CLASP1: variants seen among roughly 807,000 people sequenced by gnomAD.
The protein encoded by CLASP1 is CLIP-associating protein 1.
A neutral mutation model predicts 192.3 loss-of-function variants in CLASP1; 38 were observed. The observed-to-expected ratio is 0.20, with a 90% CI of 0.15 to 0.26. The LOEUF is 0.26. Ranked by LOEUF, CLASP1 falls within the 10% of genes least tolerant of loss-of-function variation. The probability of loss-of-function intolerance (pLI) is 1.00; values close to 1 mark genes in which losing one functional copy is unlikely to be tolerated. For synonymous variants in CLASP1, 691 were observed against 712.8 expected (o/e 0.97, Z 0.49); for missense variants, 1,433 against 1,932.5 (o/e 0.74, Z 4.85).
At chr2:121,459,755 G>T in intron 12 of CLASP1, 1 of 367,886 alleles carries the variant, frequency 2.7e-6, no homozygotes, top group Non-Finnish European at 4.8e-6. Context: ...TTGAAATAAA[G>T]ACTTCAGAGC....
chr2:121,578,690 T>C (rs920744366), intron 2 of CLASP1, among the ~76,000 whole-genome samples: 77 of 149,438 alleles, frequency 5.2e-4, no homozygotes, highest in South Asian at 1.7e-3. Flanking sequence ...ATTGCACCAC[T>C]GCACTCAAGC....
intron 8 of CLASP1, among the ~76,000 whole-genome samples, chr2:121,498,895 T>C (rs1183131698): frequency 6.6e-6 from 1 of 152,196 alleles, no homozygotes; most frequent in Non-Finnish European, 1.5e-5. Flanking sequence ...CTATGGTGAC[T>C]ATAATGAAAA....
At chr2:121,418,656 TCGGCTGCTCTCA>T in exon 23 of CLASP1, 1 of 1,613,868 alleles carries the variant, frequency 6.2e-7, no homozygotes, top group African/African-American at 1.3e-5. Flanking sequence ...GGCTTGTATC[TCGGCTGCTCTCA>T]CGGCTGGTAT....
At chr2:121,632,122 T>C (rs1258833300) in intron 1 of CLASP1, among the ~76,000 whole-genome samples, 1 of 152,160 alleles carries the variant, frequency 6.6e-6, no homozygotes. Flanking sequence ...TATGCACCTG[T>C]AGTCCCAGCT....
At chr2:121,621,956 T>G (rs2067437331) in intron 1 of CLASP1, among the ~76,000 whole-genome samples, 1 of 152,050 alleles carries the variant, frequency 6.6e-6, no homozygotes, top group African/African-American at 2.4e-5. Flanking sequence ...CAAGCAATCC[T>G]CCTGCCTCAG....
chr2:121,505,472 G>A (rs1409954083), intron 7 of CLASP1: 1 of 152,160 alleles, frequency 6.6e-6, no homozygotes, highest in Non-Finnish European at 1.5e-5. Flanking sequence ...TGCTACAACA[G>A]CTCCTATCAA....
intron 2 of CLASP1, among the ~76,000 whole-genome samples, chr2:121,589,120 G>A (rs114878415): frequency 1.3e-5 from 2 of 152,228 alleles, no homozygotes; most frequent in East Asian, 3.9e-4. Context: ...CACAGTTCTC[G>A]CCACCAAGTC....
At chr2:121,545,639 G>T (rs1366907667) in intron 2 of CLASP1, among the ~76,000 whole-genome samples, 1 of 152,156 alleles carries the variant, frequency 6.6e-6, no homozygotes, top group Admixed American at 6.5e-5. Context: ...TCCTGCAGAT[G>T]AAGTCAGCTC....
At chr2:121,585,371 T>A (rs1191800177) in intron 2 of CLASP1, among the ~76,000 whole-genome samples, 1 of 152,132 alleles carries the variant, frequency 6.6e-6, no homozygotes, top group African/African-American at 2.4e-5. Context: ...ACAGATGGAA[T>A]AGCCAGAGGT....
chr2:121,532,328 C>A (rs2094915820), intron 2 of CLASP1: 1 of 152,190 alleles, frequency 6.6e-6, no homozygotes. Flanking sequence ...AATAATGACT[C>A]TACTTTCCAG....
intron 2 of CLASP1, among the ~76,000 whole-genome samples, chr2:121,578,842 AACAC>A (rs758297508): frequency 6.6e-6 from 1 of 152,152 alleles, no homozygotes; most frequent in African/African-American, 2.4e-5. Flanking sequence ...AGGAATTAAA[AACAC>A]ACACACACAA....
intron 31 of CLASP1, 116 bp from the exon 33 acceptor site, chr2:121,387,344 G>GC: frequency 1.2e-5 from 8 of 656,676 alleles, no homozygotes; most frequent in Non-Finnish European, 1.9e-5. Flanking sequence ...GCCCAGGATG[G>GC]TTTTTTTTTT....
intron 39 of CLASP1, 148 bp downstream of exon 40, chr2:121,346,890 T>C: frequency 1.7e-6 from 1 of 589,692 alleles, no homozygotes; most frequent in Non-Finnish European, 3.1e-6. Flanking sequence ...TTCATTTTTA[T>C]ATTTAGAAAA....
intron 2 of CLASP1, among the ~76,000 whole-genome samples, chr2:121,595,920 GGGC>G (rs2063087026): frequency 6.6e-6 from 1 of 152,090 alleles, no homozygotes; most frequent in South Asian, 2.1e-4. Flanking sequence ...TTATATACAT[GGGC>G]TTACTGAATC....
chr2:121,554,956 CAGA>C (rs2058402505), intron 2 of CLASP1, among the ~76,000 whole-genome samples: 1 of 152,082 alleles, frequency 6.6e-6, no homozygotes, highest in Non-Finnish European at 1.5e-5. Flanking sequence ...GAATCATGCA[CAGA>C]AGAACTTATT....
At chr2:121,644,788 T>A (rs75696060) in intron 1 of CLASP1, among the ~76,000 whole-genome samples, 2,058 of 151,914 alleles carry the variant, frequency 0.014, 60 homozygotes, top group South Asian at 0.1. Flanking sequence ...ACAAAACACT[T>A]CTAAAACAAA....
intron 19 of CLASP1, among the ~76,000 whole-genome samples, chr2:121,445,739 T>C (rs1176347192): frequency 1.3e-5 from 2 of 152,204 alleles, no homozygotes; most frequent in Non-Finnish European, 2.9e-5. Context: ...TTATCATCAG[T>C]GCTTCTGAAG....
intron 36 of CLASP1, 78 bp from the exon 38 acceptor site, chr2:121,363,378 A>T: frequency 6.4e-7 from 1 of 1,569,732 alleles, no homozygotes; most frequent in African/African-American, 1.3e-5. Context: ...AGGGTCGGCA[A>T]GGCCAAGCAC....
At chr2:121,574,401 A>C (rs2060278074) in intron 2 of CLASP1, among the ~76,000 whole-genome samples, 1 of 151,804 alleles carries the variant, frequency 6.6e-6, no homozygotes, top group Admixed American at 6.6e-5. Flanking sequence ...TTGGGAGGCC[A>C]AGGTGGGTGG....
Sources: allele counts gnomAD v4.1 joint callset (sites outside exome capture counted in the v4.1 genomes callset), GRCh38; gene constraint gnomAD v4.1.1; transcripts MANE v1.5; gene names NCBI Gene and HGNC (gene_info 2026-07-23, HGNC 2026-07-21).